The following SPRYD3 variants were observed in gnomAD, a reference collection of about 807,000 sequenced individuals.
SPRYD3 encodes the protein SPRY domain containing 3.
In SPRYD3, 17 loss-of-function variants were observed where a neutral mutation model predicts 50.1. The ratio of observed to expected loss-of-function variants is 0.34; its 90% CI spans 0.23 to 0.51. SPRYD3 has a LOEUF of 0.51. SPRYD3 is among the 20% of genes least tolerant of loss of function. SPRYD3 has a pLI of 0.97. For synonymous variants in SPRYD3, 198 were observed against 215.5 expected (o/e 0.92, Z 0.71); for missense variants, 401 against 591.2 (o/e 0.68, Z 3.34).
chr12:53,073,294 A>C lies in SPRYD3; in HGVS notation c.685T>G (p.Cys229Gly). The C allele has an allele frequency of 1.4e-6, 1 of 694,910 alleles. No individual in the cohort carries two copies. The highest frequency in any genetic ancestry group is 2.0e-6 in the Non-Finnish European group (1 of 488,290). 43.0% of individuals were successfully genotyped at this position (694,910 alleles called of 1,614,324 possible). The change falls in exon 6 of 11, where the codon TGT becomes GGT. Residue 229 changes from cysteine (C) to glycine (G), a missense_variant. By Grantham distance (159) the Cys-to-Gly change is radical (BLOSUM62 -3). Coordinates refer to ENST00000301463, the MANE Select transcript of SPRYD3 (RefSeq NM_032840.3). The part of the protein sequence containing the change: ...EWGRLHDVRV[C>G]GTLLEYLGKG... ...TCCCACCCGCTACTTACAGTCCCAC[A>C]GACTCTGACATCATGTAGCCGGCCC...
At position 53,065,692 on chromosome 12, in the gene SPRYD3, G is replaced by T; in HGVS notation, c.*140C>A. The T allele has an allele frequency of 1.2e-6, 1 of 854,148 alleles. No individual in the cohort carries two copies. The highest frequency in any genetic ancestry group is 1.9e-6 in the Non-Finnish European group (1 of 538,358). The allele number at this position is 854,148 out of a possible 1,614,324, so 52.9% of individuals were successfully genotyped here. A position where few individuals can be genotyped will look rare whatever the true frequency, so the allele number is the denominator to read the frequency against. On this transcript the variant is annotated 3_prime_UTR_variant, in exon 11 of 11. Transcript: ENST00000301463. ...ACGTGGGCACAGAGAAGCGTGACAG[G>T]GGCCTGAGCCAGTGGGGGCAGAGTG...
At chr12:53,070,351 A>G (rs868458225) in intron 6 of SPRYD3, among the ~76,000 whole-genome samples, 91 of 152,154 alleles carry the variant, frequency 6.0e-4, no homozygotes, top group African/African-American at 1.9e-3. Context: ...AGTGGGGGGA[A>G]TATTTGGCCT....
chr12:53,075,422 C>T (rs1278245030), intron 3 of SPRYD3, among the ~76,000 whole-genome samples: 1 of 152,132 alleles, frequency 6.6e-6, no homozygotes, highest in Non-Finnish European at 1.5e-5. Flanking sequence ...TACTCCAAAG[C>T]TTTGGAGAAA....
At chr12:53,077,982 C>T (rs1307637815) in intron 1 of SPRYD3, 2 of 332,772 alleles carry the variant, frequency 6.0e-6, no homozygotes, top group East Asian at 1.9e-4. Context: ...AGGCCAGGAC[C>T]CAGACCAGCC....
Position 53,075,047 on chromosome 12 carries a change from T to C in SPRYD3, c.371+48A>G, listed in dbSNP as rs767594902. ...CCAAGGTAGTTCTTCAGATCTAAGA[T>C]TCCCAAATTCATAGGAAAAGGGCCG... On this transcript the variant is annotated intron_variant, in intron 4 of 10. Transcript: ENST00000301463. 2.5e-6 allele frequency: 4 copies of C among 1,598,282 alleles called. No individual in the cohort carries two copies. In the East Asian group the frequency reaches 6.8e-5, roughly 27 times the overall value.
chr12:53,079,198 G>C (rs1260292090), intron 1 of SPRYD3, 113 bp downstream of exon 1: 2 of 1,149,514 alleles, frequency 1.7e-6, no homozygotes, highest in Non-Finnish European at 2.5e-6. Context: ...CCAGTGACCA[G>C]AGCGCAGGGC....
chr12:53,067,791 A>C, intron 7 of SPRYD3, 86 bp from the exon 8 acceptor site: 1 of 1,259,550 alleles, frequency 7.9e-7, no homozygotes, highest in Non-Finnish European at 1.2e-6. Context: ...AACCTCTGGG[A>C]CAGACCACAG....
chr12:53,079,216 C>T (rs1935010559), intron 1 of SPRYD3, 95 bp downstream of exon 1: 1 of 1,342,150 alleles, frequency 7.5e-7, no homozygotes, highest in African/African-American at 1.4e-5. Flanking sequence ...GGCCCCGCCC[C>T]TGGCCCCAGA....
chr12:53,073,338 T>A lies in SPRYD3; in HGVS notation c.641A>T (p.Asp214Val). Residue 214 changes from aspartate (D) to valine (V), a missense_variant, in exon 6 of 11, where the codon GAC (aspartate) becomes GTC (valine). Physicochemically the swap from Asp to Val is radical, Grantham distance 152. Transcript: ENST00000301463. ...CCGGCCCCATTCATCCTCGTAACTG[T>A]CCACCATCATGACGCTGTCGTCCTC... The part of the protein sequence containing the change: ...GREDDSVMMV[D>V]SYEDEWGRLH... The A allele has an allele frequency of 1.3e-6, 2 of 1,481,936 alleles. No individual in the cohort carries two copies. The highest frequency in any genetic ancestry group is 1.8e-6 in the Non-Finnish European group (2 of 1,099,978). The allele number at this position is 1,481,936 out of a possible 1,614,324, so 91.8% of individuals were successfully genotyped here.
At chr12:53,066,108 G>T in intron 10 of SPRYD3, 142 bp from the exon 11 acceptor site, 1 of 1,349,992 alleles carries the variant, frequency 7.4e-7, no homozygotes, top group Middle Eastern at 2.7e-4. Context: ...TATGGGAAGT[G>T]ACCACCAGAG....
Position 53,077,271 on chromosome 12 carries a change from G to A in SPRYD3, c.24-10C>T. The stretch of plus-strand genomic sequence containing the variant: ...GTTCATGAGAACAAACCTGCCAAGG[G>A]GAGAAGGGGATTGAGGAGAAAGCAG... On this transcript the variant is annotated splice_polypyrimidine_tract_variant and intron_variant, in intron 1 of 10. Transcript: ENST00000301463. The A allele has an allele frequency of 6.2e-7, 1 of 1,614,098 alleles. No individual in the cohort carries two copies. The highest frequency in any genetic ancestry group is 8.5e-7 in the Non-Finnish European group (1 of 1,179,982).
intron 6 of SPRYD3, among the ~76,000 whole-genome samples, chr12:53,070,188 T>C (rs11170394): frequency 0.069 from 10,546 of 152,148 alleles, 514 homozygotes; most frequent in East Asian, 0.17. Context: ...TTGTACAGTG[T>C]ATAGGTGAGG....
In SPRYD3 at chr12:53,074,053, G is replaced by A. The variant is rs905377796; in HGVS notation, c.508-582C>T. Among the ~76,000 whole-genome samples the A allele has an allele frequency of 6.6e-6, 1 of 152,088 alleles. No individual in the cohort carries two copies. Among genetic ancestry groups the A allele is most frequent in the Non-Finnish European group, 1.5e-5 (1 of 68,022 alleles). On this transcript the variant is annotated intron_variant, in intron 5 of 10. Transcript: ENST00000301463. This position sits in a 1 kb window ranked among gnomAD's most constrained non-coding sequence, Gnocchi z 4.6. Reference sequence around the variant, plus strand: ...TACGTGTGCTGGACAGGAGAGTGCCGAGGCGCAGATGCTAAGGCAGCAGGA... The same window carrying A: ...TACGTGTGCTGGACAGGAGAGTGCCAAGGCGCAGATGCTAAGGCAGCAGGA...
At position 53,065,700 on chromosome 12, in the gene SPRYD3, G is replaced by C; in HGVS notation, c.*132C>G. ...ACAGAGAAGCGTGACAGGGGCCTGA[G>C]CCAGTGGGGGCAGAGTGACTACACA... On this transcript the variant is annotated 3_prime_UTR_variant, in exon 11 of 11. Transcript: ENST00000301463. 1.1e-6 allele frequency: 1 copy of C among 928,688 alleles called. No individual in the cohort carries two copies. The highest frequency in any genetic ancestry group is 1.7e-6 in the Non-Finnish European group (1 of 602,732). The allele number at this position is 928,688 out of a possible 1,614,324, so 57.5% of individuals were successfully genotyped here.
At chr12:53,076,873 C>T (rs1451029930) in intron 2 of SPRYD3, among the ~76,000 whole-genome samples, 1 of 151,886 alleles carries the variant, frequency 6.6e-6, no homozygotes, top group African/African-American at 2.4e-5. Flanking sequence ...CGCTTGAACC[C>T]AGGAGGCGGA....
Position 53,079,295 on chromosome 12 carries a change from C to T in SPRYD3, c.23+16G>A, listed in dbSNP as rs1253897617. ...GATACGAGGCCTCCGGGACCCCGCC[C>T]CCGATCCCCGCCTACCGGGGCCGCC... On this transcript the variant is annotated intron_variant, in intron 1 of 10. Coordinates refer to ENST00000301463, the MANE Select transcript of SPRYD3 (RefSeq NM_032840.3). The T allele has an allele frequency of 6.2e-7, 1 of 1,605,462 alleles. No individual in the cohort carries two copies. The highest frequency in any genetic ancestry group is 8.5e-7 in the Non-Finnish European group (1 of 1,176,402).
rs548178026 is a variant in SPRYD3, at chr12:53,069,431, T to C, written c.694-1127A>G. Among the ~76,000 whole-genome samples, 203 of 152,322 alleles carry C rather than the reference T, an allele frequency of 1.3e-3. 1 individual carries two copies. The highest frequency in any genetic ancestry group is 4.4e-3 in the Admixed American group (67 of 15,304). ...GCCCACCTGCACCAGCACAGAAGCC[T>C]GTGCGTGTCTCCAGCAGAGGCTGCT... On this transcript the variant is annotated intron_variant, in intron 6 of 10. Coordinates refer to ENST00000301463, the MANE Select transcript of SPRYD3 (RefSeq NM_032840.3).
rs1944523506 is a variant in SPRYD3 at position 53,068,151 on chromosome 12, C to T, written c.843+4G>A. 6.2e-7 allele frequency: 1 copy of T among 1,614,176 alleles called. No individual in the cohort carries two copies. Among genetic ancestry groups the T allele is most frequent in the Non-Finnish European group, 8.5e-7 (1 of 1,180,010 alleles). On this transcript the variant is annotated splice_donor_region_variant and intron_variant, in intron 7 of 10. Coordinates refer to ENST00000301463, the MANE Select transcript of SPRYD3 (RefSeq NM_032840.3). ...GAGCAAAAAAGCTCAGCCTTTGTGC[C>T]CACCTTCCGTGCCAGCCCCAGGGCG... is the stretch of plus-strand genomic sequence containing the variant.
chr12:53,075,315 AGGCTC>A, intron 3 of SPRYD3, 96 bp from the exon 4 acceptor site: 1 of 1,316,276 alleles, frequency 7.6e-7, no homozygotes, highest in Admixed American at 2.2e-5. Flanking sequence ...AAGGGCGCTG[AGGCTC>A]AAAAAGAAAA....
Sources: allele counts gnomAD v4.1 joint callset (sites outside exome capture counted in the v4.1 genomes callset), GRCh38; gene constraint gnomAD v4.1.1; non-coding constraint Gnocchi (gnomAD v3.1); transcripts MANE v1.5; gene names NCBI Gene and HGNC (gene_info 2026-07-23, HGNC 2026-07-21).